Variants in NFATC1 observed in about 807,000 individuals in gnomAD.
NFATC1 encodes nuclear factor of activated T-cells, cytoplasmic 1.
Under a neutral mutation model 76.0 loss-of-function variants are expected in NFATC1, and 22 were observed. That is an observed-to-expected ratio of 0.29 (90% CI 0.21 to 0.41). NFATC1 has a LOEUF of 0.41. Ranked by LOEUF, NFATC1 falls within the 10% of genes least tolerant of loss-of-function variation. The pLI is 1.00. For missense variants in NFATC1, 1,357 were observed against 1,337.7 expected, an observed-to-expected ratio of 1.01 and a Z score of -0.23; for synonymous variants, 704 against 613.1, an observed-to-expected ratio of 1.15 and a Z score of -2.19.
intron 9 of NFATC1, among the ~76,000 whole-genome samples, chr18:79,512,710 C>T (rs1328716232): frequency 3.9e-5 from 6 of 152,230 alleles, no homozygotes; most frequent in Admixed American, 6.5e-5. Flanking sequence ...CCCTCTGCTG[C>T]GCTCTGGGCT....
chr18:79,512,482 TA>T (rs2090279025), intron 9 of NFATC1, among the ~76,000 whole-genome samples: 1 of 152,172 alleles, frequency 6.6e-6, no homozygotes, highest in Non-Finnish European at 1.5e-5. Flanking sequence ...CAACCCTGGC[TA>T]GGAACCGGAG....
chr18:79,523,069 G>C (rs963371306), intron 9 of NFATC1, among the ~76,000 whole-genome samples: 5 of 152,190 alleles, frequency 3.3e-5, no homozygotes, highest in Non-Finnish European at 1.5e-5. Context: ...CCTGTGAACA[G>C]ACTGGGTGAC....
At chr18:79,412,693 C>T (rs939763767) in intron 2 of NFATC1, among the ~76,000 whole-genome samples, 7 of 152,192 alleles carry the variant, frequency 4.6e-5, no homozygotes, top group African/African-American at 1.4e-4. Flanking sequence ...ACGAACCCAC[C>T]CAAACCTCTC....
chr18:79,396,432 C>A, intron 1 of NFATC1, 81 bp downstream of exon 1: 1 of 970,300 alleles, frequency 1.0e-6, no homozygotes, highest in Non-Finnish European at 1.3e-6. Context: ...GCCCCCGTCG[C>A]CCGCACGGAG....
At chr18:79,476,978 A>T (rs1360618505) in intron 8 of NFATC1, among the ~76,000 whole-genome samples, 1 of 152,240 alleles carries the variant, frequency 6.6e-6, no homozygotes, top group African/African-American at 2.4e-5. Flanking sequence ...GGAGTTCGGA[A>T]GGACCCTTCT....
chr18:79,488,298 T>TGTG (rs1491433858), intron 9 of NFATC1, among the ~76,000 whole-genome samples: 1 of 141,010 alleles, frequency 7.1e-6, no homozygotes, highest in Non-Finnish European at 1.5e-5. Flanking sequence ...GCAGCCCTGG[T>TGTG]TGTGTGTGTG....
At chr18:79,415,083 G>A (rs754802013) in intron 2 of NFATC1, among the ~76,000 whole-genome samples, 4 of 152,114 alleles carry the variant, frequency 2.6e-5, no homozygotes, top group Admixed American at 6.5e-5. Flanking sequence ...TGTCTGTGCC[G>A]ACATCTGCTC....
chr18:79,483,643 GGTCCTGGGGTGTAATTCCAGCGTGACCTT>G (rs1224758249), intron 8 of NFATC1, among the ~76,000 whole-genome samples: 1 of 142,616 alleles, frequency 7.0e-6, no homozygotes, highest in East Asian at 2.1e-4. Context: ...GGCGTGACCT[GGTCCTGGGGTGTAATTCCAGCGTGACCTT>G]GTCCTGGGGT....
At chr18:79,518,554 A>G (rs1482072257) in intron 9 of NFATC1, among the ~76,000 whole-genome samples, 3 of 152,178 alleles carry the variant, frequency 2.0e-5, no homozygotes, top group African/African-American at 7.2e-5. Context: ...TGTCCTTGAC[A>G]AGTGTTTTGT....
chr18:79,524,796 C>T lies in NFATC1; in HGVS notation c.2783-2732C>T, dbSNP rs1569058508. Among the ~76,000 whole-genome samples the T allele has an allele frequency of 6.6e-6, 1 of 152,026 alleles. No homozygotes were observed. The highest frequency in any genetic ancestry group is 1.5e-5 in the Non-Finnish European group (1 of 67,956). ...CCCGACGGGCTCTCCCACCGAGGCT[C>T]AGGTGCTCGTGGGCAGCAAGGGGAA... On this transcript the variant is annotated intron_variant, in intron 9 of 9. Transcript: ENST00000427363. The surrounding 1 kb of genome is among the most constrained non-coding windows in gnomAD (Gnocchi z 7.2).
At chr18:79,473,663 G>A (rs956064979) in intron 8 of NFATC1, among the ~76,000 whole-genome samples, 7 of 142,844 alleles carry the variant, frequency 4.9e-5, no homozygotes, top group Admixed American at 1.4e-4. Flanking sequence ...GCTCACTGTC[G>A]ACGTTGTAAA....
At chr18:79,407,412 C>G (rs2085480191) in intron 1 of NFATC1, among the ~76,000 whole-genome samples, 1 of 152,156 alleles carries the variant, frequency 6.6e-6, no homozygotes, top group Non-Finnish European at 1.5e-5. Flanking sequence ...CAGTCCCTGC[C>G]TGTGGCTCTG....
Position 79,528,039 on chromosome 18 carries a change from T to C in NFATC1, c.*462T>C. The C allele has an allele frequency of 2.4e-6, 1 of 409,244 alleles. No homozygotes were observed. The highest frequency in any genetic ancestry group is 3.5e-5 in the East Asian group (1 of 28,794). 25.4% of individuals were successfully genotyped at this position (409,244 alleles called of 1,614,324 possible). ...GCAAACACATTTCATTGTGAGGTTT[T>C]ACCCTCTGTATGAATGAAGAGAACG... On this transcript the variant is annotated 3_prime_UTR_variant, in exon 10 of 10. Transcript: ENST00000427363.
intron 9 of NFATC1, among the ~76,000 whole-genome samples, chr18:79,517,009 G>C (rs779663780): frequency 6.6e-5 from 10 of 152,188 alleles, no homozygotes; most frequent in Non-Finnish European, 1.3e-4. Context: ...ATGCCCCTTT[G>C]TAATGAACGC....
chr18:79,418,736 GC>G (rs953391837), intron 2 of NFATC1, among the ~76,000 whole-genome samples: 7 of 152,236 alleles, frequency 4.6e-5, no homozygotes, highest in African/African-American at 1.7e-4. Context: ...GCATTTGGCA[GC>G]CCACGGTTTT....
chr18:79,400,166 TTA>T (rs1276524860), intron 1 of NFATC1: 2 of 1,090,072 alleles, frequency 1.8e-6, no homozygotes, highest in African/African-American at 1.7e-5. Flanking sequence ...GGACACGAGT[TTA>T]TTTAAAAACT....
Position 79,486,931 on chromosome 18 carries a change from GA to G in NFATC1, c.2777del (p.Asp926ValfsTer3), listed in dbSNP as rs767380663. The G allele has an allele frequency of 1.1e-5, 18 of 1,591,574 alleles. No homozygotes were observed. The highest frequency in any genetic ancestry group is 1.5e-5 in the Non-Finnish European group (17 of 1,166,332). On this transcript the variant is annotated frameshift_variant, in exon 9 of 10. Coordinates refer to ENST00000427363, the MANE Select transcript of NFATC1 (RefSeq NM_001278669.2). LOFTEE classifies it high-confidence loss of function. ...EPEELDQLYL[D>X]DVNEIIRNDL... is the part of the protein sequence containing the mutation. ...TGAAGAGTTGGACCAGTTGTACCTG[GA>G]TGACGGTGAGTGCCCGCAGCCATGC...
rs569247180 is a variant in NFATC1, at chr18:79,487,838, C to T, written c.2782+901C>T. 4.0e-5 allele frequency among the ~76,000 whole-genome samples: 6 copies of T among 151,204 alleles called. No individual in the cohort carries two copies. In the South Asian group the frequency reaches 8.4e-4, roughly 21 times the overall value. On this transcript the variant is annotated intron_variant, in intron 9 of 9. Coordinates refer to ENST00000427363, the MANE Select transcript of NFATC1 (RefSeq NM_001278669.2). ...GCGCGTTGTGATCGGGGCGTGCCCGCGGCCCTGGTGACCACGCGTTAGAGG... is the reference window on the plus strand; with the variant it reads ...GCGCGTTGTGATCGGGGCGTGCCCGTGGCCCTGGTGACCACGCGTTAGAGG...
At chr18:79,402,326 C>G (rs1256586330) in intron 1 of NFATC1, 2 of 985,292 alleles carry the variant, frequency 2.0e-6, no homozygotes, top group Non-Finnish European at 2.4e-6. Flanking sequence ...ATATGGGGAC[C>G]CTGGTGAACA....
Sources: allele counts gnomAD v4.1 joint callset (sites outside exome capture counted in the v4.1 genomes callset), GRCh38; gene constraint gnomAD v4.1.1; non-coding constraint Gnocchi (gnomAD v3.1); transcripts MANE v1.5; gene names NCBI Gene and HGNC (gene_info 2026-07-23, HGNC 2026-07-21).